SNX2: variants seen among roughly 807,000 people sequenced by gnomAD.
The protein encoded by SNX2 is sorting nexin-2.
SNX2 carries 25 observed loss-of-function variants against 69.9 expected under a neutral mutation model. The observed-to-expected ratio is 0.36, with a 90% confidence interval of 0.26 to 0.50. The LOEUF (loss-of-function observed/expected upper bound fraction) is 0.50, where lower values mean the gene tolerates loss of function less well. Among genes scored for constraint, SNX2 ranks in the 20% least tolerant of loss-of-function variants. The probability of loss-of-function intolerance (pLI) is 0.97; values close to 1 mark genes in which losing one functional copy is unlikely to be tolerated. For synonymous variants in SNX2, 229 were observed against 200.4 expected, an observed-to-expected ratio of 1.14 and a Z score of -1.20; for missense variants, 551 against 613.3, an observed-to-expected ratio of 0.90 and a Z score of 1.07.
At chr5:122,777,798 C>T (rs1294139592) in intron 1 of SNX2, among the ~76,000 whole-genome samples, 3 of 152,170 alleles carry the variant, frequency 2.0e-5, no homozygotes, top group Non-Finnish European at 4.4e-5. Context: ...GGATAATTAG[C>T]TTATCCATTA....
chr5:122,803,114 G>A (rs1283677794), intron 5 of SNX2, among the ~76,000 whole-genome samples: 1 of 152,168 alleles, frequency 6.6e-6, no homozygotes, highest in African/African-American at 2.4e-5. Context: ...GGGGGAAATA[G>A]GGTAAGTTTG....
chr5:122,822,663 C>T (rs1347054291), intron 11 of SNX2, among the ~76,000 whole-genome samples: 2 of 152,130 alleles, frequency 1.3e-5, no homozygotes, highest in African/African-American at 4.8e-5. Context: ...CAGGAAACGC[C>T]TGTTTTCCTC....
chr5:122,775,132 T>C lies in SNX2; in HGVS notation c.29T>C (p.Leu10Pro). 1.9e-6 allele frequency: 3 copies of C among 1,594,952 alleles called. No homozygotes were observed. The highest frequency in any genetic ancestry group is 2.6e-6 in the Non-Finnish European group (3 of 1,172,546). MAAEREPPP[L>P]GDGKPTDFED... ...GCGGCCGAGAGGGAACCTCCTCCGC[T>C]GGGGGACGGGAAGCCCACCGACTTT... The change falls in exon 1 of 15, where the codon CTG becomes CCG. Residue 10 changes from leucine to proline, a missense_variant. Around this residue, in one of 2 missense-constraint regions of SNX2, gnomAD observed 191 missense variants for 162.9 expected, o/e 1.17. Coordinates refer to ENST00000379516, the MANE Select transcript of SNX2 (RefSeq NM_003100.4).
intron 2 of SNX2, among the ~76,000 whole-genome samples, chr5:122,796,049 T>G (rs538743760): frequency 2.6e-5 from 4 of 152,220 alleles, no homozygotes; most frequent in Non-Finnish European, 4.4e-5. Flanking sequence ...CTAATTTACC[T>G]GAACTGGCTT....
chr5:122,813,274 T>C lies in SNX2; in HGVS notation c.723-2622T>C, dbSNP rs1581641185. ...GTTTCTGTTCTTAATTTCAACATTA[T>C]GTAAACATATATATAAAAGCATATA... On this transcript the variant is annotated intron_variant, in intron 7 of 14. Transcript: ENST00000379516. 2.6e-5 allele frequency among the ~76,000 whole-genome samples: 4 copies of C among 152,248 alleles called. No individual in the cohort carries two copies. In the South Asian group the frequency reaches 8.3e-4, roughly 32 times the overall value.
At chr5:122,822,342 CA>C (rs1183525712) in intron 11 of SNX2, among the ~76,000 whole-genome samples, 1 of 152,202 alleles carries the variant, frequency 6.6e-6, no homozygotes, top group Non-Finnish European at 1.5e-5. Flanking sequence ...CTCGGCGTCC[CA>C]AAGCGCTGGG....
intron 6 of SNX2, among the ~76,000 whole-genome samples, chr5:122,804,971 G>A (rs1196363804): frequency 6.6e-6 from 1 of 151,512 alleles, no homozygotes; most frequent in Non-Finnish European, 1.5e-5. Context: ...ACGGAGTCTC[G>A]CTTTGCTGCC....
intron 2 of SNX2, among the ~76,000 whole-genome samples, chr5:122,798,157 T>C (rs1173809013): frequency 6.9e-6 from 1 of 145,072 alleles, no homozygotes; most frequent in African/African-American, 2.5e-5. Flanking sequence ...AGCTTTGATA[T>C]ACTGCTTTTT....
At chr5:122,789,560 T>C (rs1437549629) in intron 1 of SNX2, among the ~76,000 whole-genome samples, 1 of 152,144 alleles carries the variant, frequency 6.6e-6, no homozygotes, top group African/African-American at 2.4e-5. Flanking sequence ...ACCCGTGCTG[T>C]AGCTCCTGTA....
chr5:122,817,237 T>C lies in SNX2; in HGVS notation c.913-43T>C, dbSNP rs762920428. On this transcript the variant is annotated intron_variant, in intron 9 of 14. Transcript: ENST00000379516. ...CTATTGGTAACCTAATTTACAATGG[T>C]TTGTTCTTCCTAAATTAGCTCCATT... 6 of 1,560,456 alleles carry C rather than the reference T, an allele frequency of 3.8e-6. No individual in the cohort carries two copies. In the South Asian group the frequency reaches 6.7e-5, roughly 17 times the overall value.
At chr5:122,778,139 C>G (rs965289067) in intron 1 of SNX2, among the ~76,000 whole-genome samples, 1 of 152,170 alleles carries the variant, frequency 6.6e-6, no homozygotes, top group South Asian at 2.1e-4. Context: ...CATGTTGTTG[C>G]AAATGACAGG....
chr5:122,775,904 G>A (rs1752847277), intron 1 of SNX2: 1 of 419,860 alleles, frequency 2.4e-6, no homozygotes, highest in African/African-American at 2.2e-5. Context: ...GTTACCAAGG[G>A]AGAAATAGAA....
Position 122,775,225 on chromosome 5 carries a change from G to A in SNX2, c.108+14G>A. The A allele has an allele frequency of 6.5e-7, 1 of 1,541,524 alleles. No homozygotes were observed. The highest frequency in any genetic ancestry group is 8.8e-7 in the Non-Finnish European group (1 of 1,140,980). ...TCCACCCTAGAGGTGAGACCGCGTCGCTGCGGGTGCTGCGCTGCGTAGCTG... is the reference window on the plus strand; with the variant it reads ...TCCACCCTAGAGGTGAGACCGCGTCACTGCGGGTGCTGCGCTGCGTAGCTG... On this transcript the variant is annotated intron_variant, in intron 1 of 14. Coordinates refer to ENST00000379516, the MANE Select transcript of SNX2 (RefSeq NM_003100.4).
At chr5:122,827,667 A>C in intron 14 of SNX2, 21 bp downstream of exon 14, 1 of 1,554,810 alleles carries the variant, frequency 6.4e-7, no homozygotes, top group Non-Finnish European at 8.8e-7. Context: ...TTTGTTTATA[A>C]CTTAAACTTC....
intron 1 of SNX2, among the ~76,000 whole-genome samples, chr5:122,791,062 A>G (rs2112684): frequency 0.031 from 4,666 of 151,822 alleles, 268 homozygotes; most frequent in African/African-American, 0.11. Context: ...TTTATCATTA[A>G]TAGATATTGG....
At position 122,817,371 on chromosome 5, in the gene SNX2, A is replaced by G. The variant is rs189518915; in HGVS notation, c.1004A>G (p.Lys335Arg). 1.9e-6 allele frequency: 3 copies of G among 1,612,362 alleles called. No homozygotes were observed. Among genetic ancestry groups the G allele is most frequent in the African/African-American group, 2.7e-5 (2 of 74,906 alleles). Residue 335 changes from lysine to arginine, a missense_variant and splice_region_variant, in exon 10 of 15, where the codon AAA (lysine) becomes AGA (arginine). By Grantham distance (26) the Lys-to-Arg change is conservative. Coordinates refer to ENST00000379516, the MANE Select transcript of SNX2 (RefSeq NM_003100.4). Reference sequence around the variant, plus strand: ...GTTGAAGCCTTGGTCTGTCATAGAAAAGGTTTGTTTGCCTTACTACTTACG... The same window carrying G: ...GTTGAAGCCTTGGTCTGTCATAGAAGAGGTTTGTTTGCCTTACTACTTACG... ...VSVEALVCHR[K>R]ELSANTAAFA...
chr5:122,822,558 C>T (rs1754048327), intron 11 of SNX2, among the ~76,000 whole-genome samples: 2 of 152,072 alleles, frequency 1.3e-5, no homozygotes, highest in African/African-American at 2.4e-5. Context: ...TAATATAGAG[C>T]CATTGTTAGG....
intron 6 of SNX2, 35 bp from the exon 7 acceptor site, chr5:122,808,242 A>G (rs2150011098): frequency 4.5e-6 from 6 of 1,331,636 alleles, no homozygotes; most frequent in East Asian, 4.7e-5. Context: ...ACAGCAATAT[A>G]AAGTCATCAT....
chr5:122,782,293 C>T (rs974643332), intron 1 of SNX2, among the ~76,000 whole-genome samples: 3 of 151,704 alleles, frequency 2.0e-5, no homozygotes, highest in African/African-American at 7.3e-5. Flanking sequence ...GCTTGGAGTG[C>T]GGTGGTGTGA....
Sources: gnomAD v4.1 joint callset for allele counts (sites outside exome capture counted in the v4.1 genomes callset) on GRCh38, gnomAD v4.1.1 for gene constraint, gnomAD v4.1.1 regional missense constraint, MANE v1.5 for transcripts, NCBI Gene and HGNC (gene_info 2026-07-23, HGNC 2026-07-21) for gene names.